The following IRF4 variants were observed in gnomAD, a reference collection of about 807,000 sequenced individuals.
IRF4 encodes interferon regulatory factor 4.
IRF4 carries 13 observed loss-of-function variants against 55.5 expected under a neutral mutation model. That is an observed-to-expected ratio of 0.23 (90% CI 0.15 to 0.37). IRF4 has a LOEUF of 0.37. IRF4 is among the 10% of genes least tolerant of loss of function. The pLI is 1.00. For synonymous variants in IRF4, 249 were observed against 240.7 expected (o/e 1.03, Z -0.32); for missense variants, 397 against 593.8 (o/e 0.67, Z 3.44).
At chr6:392,223 C>G (rs897705455) in intron 1 of IRF4, among the ~76,000 whole-genome samples, 2 of 152,248 alleles carry the variant, frequency 1.3e-5, no homozygotes, top group Non-Finnish European at 2.9e-5. Context: ...CCCTGCTCTT[C>G]GTTCCTAAGG....
intron 8 of IRF4, 77 bp downstream of exon 8, chr6:405,207 CA>C: frequency 1.2e-6 from 1 of 808,622 alleles, no homozygotes; most frequent in South Asian, 1.5e-5. Context: ...AGAAAAGTCC[CA>C]AATGAAAAGT....
intron 1 of IRF4, among the ~76,000 whole-genome samples, chr6:392,104 G>T (rs779018275): frequency 6.6e-6 from 1 of 152,228 alleles, no homozygotes; most frequent in Non-Finnish European, 1.5e-5. Context: ...CGGACTGTCG[G>T]GGCCCCAGGA....
chr6:392,586 A>G (rs1025885367), intron 1 of IRF4, among the ~76,000 whole-genome samples: 2 of 152,238 alleles, frequency 1.3e-5, no homozygotes, highest in Non-Finnish European at 2.9e-5. Context: ...GAGCAGAGAA[A>G]GCGGAGGGTG....
At chr6:402,173 T>C (rs1761420905) in intron 7 of IRF4, among the ~76,000 whole-genome samples, 1 of 152,244 alleles carries the variant, frequency 6.6e-6, no homozygotes, top group Non-Finnish European at 1.5e-5. Context: ...GTCACCCTCA[T>C]GCAGATGCTG....
At chr6:397,371 G>A (rs754186544) in intron 5 of IRF4, 119 bp downstream of exon 5, 204 of 1,236,074 alleles carry the variant, frequency 1.7e-4, no homozygotes, top group Non-Finnish European at 2.2e-4. Flanking sequence ...TAGAGGCTGC[G>A]TGTGCAGCTC....
intron 2 of IRF4, among the ~76,000 whole-genome samples, chr6:394,543 G>A (rs1761205255): frequency 6.6e-6 from 1 of 152,184 alleles, no homozygotes; most frequent in African/African-American, 2.4e-5. Flanking sequence ...TGAGGTGGAA[G>A]GATGCCTATG....
At chr6:402,568 C>T (rs1288110934) in intron 7 of IRF4, among the ~76,000 whole-genome samples, 1 of 152,224 alleles carries the variant, frequency 6.6e-6, no homozygotes, top group Non-Finnish European at 1.5e-5. Flanking sequence ...ATGTGCCTCC[C>T]CTTTTCTTGA....
At chr6:399,289 G>A (rs1160847609) in intron 6 of IRF4, among the ~76,000 whole-genome samples, 1 of 152,176 alleles carries the variant, frequency 6.6e-6, no homozygotes, top group East Asian at 1.9e-4. Context: ...GCTTGGAAGT[G>A]TAGAAGGGCT....
chr6:406,668 C>A (rs1458778608), intron 8 of IRF4: 2 of 395,008 alleles, frequency 5.1e-6, no homozygotes, highest in Non-Finnish European at 7.5e-6. Context: ...ATGACCCCCT[C>A]ATGCTGAAGA....
chr6:407,573 T>G lies in IRF4; in HGVS notation c.1331T>G (p.Ile444Ser). The G allele has an allele frequency of 1.9e-6, 3 of 1,608,568 alleles. No individual in the cohort carries two copies. The highest frequency in any genetic ancestry group is 2.5e-6 in the Non-Finnish European group (3 of 1,178,644). ...ISNPEDYHRS[I>S]RHSSIQE ...AATCCAGAAGATTACCACAGATCTA[T>G]CCGCCATTCCTCTATTCAAGAATGA... Residue 444 changes from isoleucine (I) to serine (S), a missense_variant, in exon 9 of 9, where the codon ATC (isoleucine) becomes AGC (serine). Physicochemically the swap from Ile to Ser is moderately radical, Grantham distance 142 (BLOSUM62 -2). This residue lies in a region of IRF4 where 22 missense variants were observed against 16.3 expected (regional missense o/e 1.35). Transcript: ENST00000380956.
intron 6 of IRF4, among the ~76,000 whole-genome samples, chr6:399,393 T>C (rs1761344735): frequency 6.6e-6 from 1 of 152,072 alleles, no homozygotes; most frequent in Non-Finnish European, 1.5e-5. Context: ...GTCCCTCATC[T>C]CTAAAACATT....
chr6:395,320 A>C (rs1435384988), intron 3 of IRF4, among the ~76,000 whole-genome samples: 1 of 152,190 alleles, frequency 6.6e-6, no homozygotes, highest in Non-Finnish European at 1.5e-5. Flanking sequence ...AACTTGTTAA[A>C]ATTTACTTAT....
chr6:402,998 T>C (rs1761446739), intron 7 of IRF4, among the ~76,000 whole-genome samples: 1 of 152,182 alleles, frequency 6.6e-6, no homozygotes, highest in African/African-American at 2.4e-5. Context: ...CGCACCACGG[T>C]GCTGCAGTTT....
intron 1 of IRF4, among the ~76,000 whole-genome samples, chr6:392,805 G>C (rs71550005): frequency 2.0e-5 from 3 of 152,228 alleles, no homozygotes; most frequent in Non-Finnish European, 4.4e-5. Context: ...GGTGCAAGAC[G>C]AGCGGCGCGT....
intron 7 of IRF4, among the ~76,000 whole-genome samples, chr6:404,102 G>A (rs1020001283): frequency 2.0e-5 from 3 of 152,220 alleles, no homozygotes; most frequent in African/African-American, 7.2e-5. Context: ...CGGCCCGAGG[G>A]TGTGTATCTG....
At chr6:403,474 C>A (rs1425161724) in intron 7 of IRF4, among the ~76,000 whole-genome samples, 1 of 152,184 alleles carries the variant, frequency 6.6e-6, no homozygotes, top group African/African-American at 2.4e-5. Flanking sequence ...TCTTGCTGGG[C>A]GTTTTTAGGG....
Position 407,629 on chromosome 6 carries a change from C to CA in IRF4, c.*31_*32insA. 4 of 1,284,754 alleles carry CA rather than the reference C, an allele frequency of 3.1e-6. No individual in the cohort carries two copies. The highest frequency in any genetic ancestry group is 4.2e-6 in the Non-Finnish European group (4 of 944,798). 79.6% of individuals were successfully genotyped at this position (1,284,754 alleles called of 1,614,324 possible). A position where few individuals can be genotyped will look rare whatever the true frequency, so the allele number is the denominator to read the frequency against. ...GTCAAGATGAGTGGTTTTCTTTTTC[C>CA]TTTTTTTTTTTTTTTTTTTGATACG... On this transcript the variant is annotated 3_prime_UTR_variant, in exon 9 of 9. Transcript: ENST00000380956.
intron 8 of IRF4, 145 bp from the exon 9 acceptor site, chr6:407,308 GAT>G: frequency 1.3e-6 from 1 of 754,130 alleles, no homozygotes; most frequent in East Asian, 3.1e-5. Context: ...TGCTTCTTTA[GAT>G]GGCTCCAAAT....
At chr6:396,276 G>C (rs1761255722) in intron 4 of IRF4, among the ~76,000 whole-genome samples, 2 of 152,258 alleles carry the variant, frequency 1.3e-5, no homozygotes, top group South Asian at 4.1e-4. Flanking sequence ...CTTTCTTGAT[G>C]TGAATGACAG....
Sources: allele counts gnomAD v4.1 joint callset (sites outside exome capture counted in the v4.1 genomes callset), GRCh38; gene constraint gnomAD v4.1.1; regional missense constraint gnomAD v4.1.1; transcripts MANE v1.5; gene names NCBI Gene and HGNC (gene_info 2026-07-23, HGNC 2026-07-21).